The following PARD3 variants were observed in gnomAD, a reference collection of about 807,000 sequenced individuals.
PARD3 encodes the protein par-3 family cell polarity regulator.
Under a neutral mutation model 155.4 loss-of-function variants are expected in PARD3, and 75 were observed. The observed-to-expected ratio is 0.48, with a 90% confidence interval of 0.40 to 0.58. The LOEUF (loss-of-function observed/expected upper bound fraction) is 0.58. Among genes scored for constraint, PARD3 ranks in the 20% least tolerant of loss-of-function variants. The pLI, the probability that PARD3 is intolerant of heterozygous loss-of-function variation, is 0.00. For missense variants in PARD3, 1,642 were observed against 1,721.7 expected (o/e 0.95, Z 0.82); for synonymous variants, 576 against 610.5 (o/e 0.94, Z 0.83).
At chr10:34,703,416 T>G (rs1481233776) in intron 1 of PARD3, among the ~76,000 whole-genome samples, 1 of 146,530 alleles carries the variant, frequency 6.8e-6, no homozygotes, top group African/African-American at 2.6e-5. Flanking sequence ...AAGAGCTCAA[T>G]AGGAAAATTA....
intron 2 of PARD3, among the ~76,000 whole-genome samples, chr10:34,690,351 C>G (rs2094032948): frequency 6.6e-6 from 1 of 152,184 alleles, no homozygotes; most frequent in South Asian, 2.1e-4. Context: ...AAATATGTCT[C>G]CATACATTTC....
intron 5 of PARD3, among the ~76,000 whole-genome samples, chr10:34,431,471 G>A (rs1223649856): frequency 6.6e-6 from 1 of 152,182 alleles, no homozygotes; most frequent in Admixed American, 6.5e-5. Flanking sequence ...CTGGGTGCAA[G>A]GGGCTCACGC....
intron 2 of PARD3, among the ~76,000 whole-genome samples, chr10:34,622,067 C>T (rs1229024715): frequency 1.3e-5 from 2 of 152,080 alleles, no homozygotes; most frequent in African/African-American, 2.4e-5. Context: ...TACCTGCCAT[C>T]GATTACATTA....
chr10:34,371,485 TC>T (rs1364162070), intron 12 of PARD3, among the ~76,000 whole-genome samples: 7 of 29,630 alleles, frequency 2.4e-4, no homozygotes, highest in East Asian at 1.1e-3. Context: ...GATTCTAGAC[TC>T]AAAAAAAAAA....
intron 20 of PARD3, among the ~76,000 whole-genome samples, chr10:34,288,225 G>C (rs1956497587): frequency 1.3e-5 from 2 of 152,032 alleles, no homozygotes; most frequent in Non-Finnish European, 2.9e-5. Context: ...AAAGAATACA[G>C]ATTCAAGATG....
At chr10:34,351,445 G>C (rs1416668708) in intron 14 of PARD3, among the ~76,000 whole-genome samples, 3 of 152,150 alleles carry the variant, frequency 2.0e-5, no homozygotes, top group African/African-American at 7.2e-5. Context: ...ATTTAACCTA[G>C]ATTACAAATA....
At chr10:34,527,618 C>T (rs79248992) in intron 2 of PARD3, among the ~76,000 whole-genome samples, 1,969 of 152,284 alleles carry the variant, frequency 0.013, 49 homozygotes, top group African/African-American at 0.044. Context: ...CTTCTGTTCA[C>T]TTCAAGTTCT....
intron 3 of PARD3, among the ~76,000 whole-genome samples, chr10:34,489,369 A>C (rs1564771742): frequency 1.3e-5 from 2 of 152,216 alleles, no homozygotes; most frequent in African/African-American, 4.8e-5. Flanking sequence ...CAGTGCTAGG[A>C]ACAAAAATGA....
chr10:34,648,153 G>A (rs551627368), intron 2 of PARD3, among the ~76,000 whole-genome samples: 18 of 152,278 alleles, frequency 1.2e-4, no homozygotes, highest in African/African-American at 4.1e-4. Context: ...CTCAAACCTC[G>A]TCTTAAAATG....
At chr10:34,578,683 G>A (rs1263396511) in intron 2 of PARD3, among the ~76,000 whole-genome samples, 1 of 152,094 alleles carries the variant, frequency 6.6e-6, no homozygotes, top group African/African-American at 2.4e-5. Context: ...TCAAACCCAA[G>A]CTCCCTTCTA....
At chr10:34,311,603 GAA>G (rs1461775679) in intron 20 of PARD3, among the ~76,000 whole-genome samples, 3 of 152,202 alleles carry the variant, frequency 2.0e-5, no homozygotes, top group Non-Finnish European at 4.4e-5. Flanking sequence ...AAACATTTAT[GAA>G]AGAGTGTGTG....
At chr10:34,693,187 G>C (rs1435489923) in intron 2 of PARD3, among the ~76,000 whole-genome samples, 3 of 152,218 alleles carry the variant, frequency 2.0e-5, no homozygotes, top group African/African-American at 4.8e-5. Flanking sequence ...GGAAAGCAGT[G>C]TGGCAATTTC....
At chr10:34,777,470 A>AG (rs1227935081) in intron 1 of PARD3, among the ~76,000 whole-genome samples, 3 of 152,150 alleles carry the variant, frequency 2.0e-5, no homozygotes, top group Non-Finnish European at 4.4e-5. Flanking sequence ...CTCCCCGCAC[A>AG]GGGGGCTCTT....
intron 1 of PARD3, among the ~76,000 whole-genome samples, chr10:34,787,724 T>C (rs571248517): frequency 6.6e-6 from 1 of 151,188 alleles, no homozygotes; most frequent in East Asian, 1.9e-4. Flanking sequence ...GGAGAAAATA[T>C]ATGAAAAATG....
chr10:34,414,663 AT>A (rs935521836), intron 5 of PARD3, among the ~76,000 whole-genome samples: 1 of 152,022 alleles, frequency 6.6e-6, no homozygotes, highest in African/African-American at 2.4e-5. Context: ...AAAAAAAAAA[AT>A]TAAAAGAAAA....
chr10:34,269,637 C>T lies in PARD3; in HGVS notation c.3419+20G>A, dbSNP rs766735886. 33 of 1,610,026 alleles carry T rather than the reference C, an allele frequency of 2.0e-5. No homozygotes were observed. Among genetic ancestry groups the T allele is most frequent in the East Asian group, 6.7e-5 (3 of 44,754 alleles). ...AAAAGCTGATTTGGAAGCAATACCA[C>T]GATTGCCCCTGGCGCCTACCTGTCT... On this transcript the variant is annotated intron_variant, in intron 22 of 24. Transcript: ENST00000374788.
intron 1 of PARD3, among the ~76,000 whole-genome samples, chr10:34,750,030 TACACACACACACACACAC>T (rs71984849): frequency 0.23 from 32,065 of 140,752 alleles, 4,432 homozygotes; most frequent in East Asian, 0.53. Flanking sequence ...TCAAAAAAAG[TACACACACACACACACAC>T]ACACACACAC....
At chr10:34,526,572 CTT>C (rs922165730) in intron 2 of PARD3, among the ~76,000 whole-genome samples, 1 of 152,160 alleles carries the variant, frequency 6.6e-6, no homozygotes, top group Non-Finnish European at 1.5e-5. Flanking sequence ...GAGCTGAGAT[CTT>C]TAGTTAGGAA....
Position 34,228,100 on chromosome 10 carries a change from C to T in PARD3, c.3419+41557G>A, listed in dbSNP as rs553232810. Among the ~76,000 whole-genome samples, 3 of 151,658 alleles carry T rather than the reference C, an allele frequency of 2.0e-5. No homozygotes were observed. In the South Asian group the frequency reaches 6.3e-4, roughly 32 times the overall value. On this transcript the variant is annotated intron_variant, in intron 22 of 24. Coordinates refer to ENST00000374788, the MANE Select transcript of PARD3 (RefSeq NM_001184785.2). ...AGGCAGCCATAAAAAGGAATGAGAT[C>T]CTGTCCTTTACAGCAACACAGATGG...
Sources: allele counts gnomAD v4.1 joint callset (sites outside exome capture counted in the v4.1 genomes callset), GRCh38; gene constraint gnomAD v4.1.1; transcripts MANE v1.5; gene names NCBI Gene and HGNC (gene_info 2026-07-23, HGNC 2026-07-21).